The following FGF12 variants were observed in gnomAD, a reference collection of about 807,000 sequenced individuals.
FGF12 encodes fibroblast growth factor 12B.
A neutral mutation model predicts 23.6 loss-of-function variants in FGF12; 14 were observed. The observed-to-expected ratio is 0.59, with a 90% confidence interval of 0.39 to 0.93. FGF12 has a LOEUF of 0.93. Ranked by LOEUF, FGF12 falls within the 40% of genes least tolerant of loss-of-function variation. The probability of loss-of-function intolerance (pLI) is 0.00; values close to 1 mark genes in which losing one functional copy is unlikely to be tolerated. For synonymous variants in FGF12, 62 were observed against 77.3 expected (o/e 0.80, Z 1.04); for missense variants, 175 against 217.8 (o/e 0.80, Z 1.24).
At chr3:192,661,752 A>C (rs1716680194) in intron 2 of FGF12, among the ~76,000 whole-genome samples, 1 of 152,172 alleles carries the variant, frequency 6.6e-6, no homozygotes, top group African/African-American at 2.4e-5. Context: ...TTCCAGACAA[A>C]ATGTAATCAA....
intron 4 of FGF12, among the ~76,000 whole-genome samples, chr3:192,223,852 C>T (rs910577479): frequency 1.3e-5 from 2 of 151,974 alleles, no homozygotes; most frequent in African/African-American, 2.4e-5. Flanking sequence ...TTCACTATGA[C>T]TAAATTGACA....
chr3:192,202,964 ACAGC>A (rs1717447328), intron 4 of FGF12, among the ~76,000 whole-genome samples: 2 of 152,232 alleles, frequency 1.3e-5, no homozygotes, highest in Admixed American at 6.5e-5. Flanking sequence ...AGTGGGAAAT[ACAGC>A]CTGCTAAACA....
In FGF12 at chr3:192,727,077, C is replaced by T. The variant is rs1350463971; in HGVS notation, c.13+104G>A. On this transcript the variant is annotated intron_variant, in intron 2 of 5. Coordinates refer to ENST00000445105, the MANE Select transcript of FGF12 (RefSeq NM_004113.6). ...ACATAGCATCTCCTCCTCTATCGAC[C>T]TAGTATGATGCTCGCTCCCCAAGCA... 5 of 1,399,298 alleles carry T rather than the reference C, an allele frequency of 3.6e-6. No homozygotes were observed. In the African/African-American group the frequency reaches 7.1e-5, roughly 20 times the overall value. 86.7% of individuals were successfully genotyped at this position (1,399,298 alleles called of 1,614,324 possible).
At chr3:192,664,756 C>T (rs1716800487) in intron 2 of FGF12, among the ~76,000 whole-genome samples, 1 of 152,112 alleles carries the variant, frequency 6.6e-6, no homozygotes. Flanking sequence ...CAGAGTGAGA[C>T]TCCGTCTCAC....
chr3:192,623,774 C>G (rs1715059269), intron 2 of FGF12, among the ~76,000 whole-genome samples: 1 of 152,104 alleles, frequency 6.6e-6, no homozygotes, highest in African/African-American at 2.4e-5. Context: ...ATAACTTCAC[C>G]AACTTCACCT....
At chr3:192,516,244 G>A (rs892412679) in intron 2 of FGF12, among the ~76,000 whole-genome samples, 5 of 152,184 alleles carry the variant, frequency 3.3e-5, no homozygotes, top group African/African-American at 4.8e-5. Flanking sequence ...TCCGATGAAT[G>A]CCAGTGTTCA....
chr3:192,496,081 A>G (rs553663532), intron 2 of FGF12, among the ~76,000 whole-genome samples: 3 of 152,350 alleles, frequency 2.0e-5, no homozygotes, highest in African/African-American at 4.8e-5. Context: ...CATGGACTCC[A>G]AAAACCATTA....
intron 4 of FGF12, among the ~76,000 whole-genome samples, chr3:192,248,904 T>C (rs1298234780): frequency 1.3e-5 from 2 of 152,214 alleles, no homozygotes; most frequent in Non-Finnish European, 2.9e-5. Flanking sequence ...ATATTTACTA[T>C]CATCACTCTC....
intron 5 of FGF12, among the ~76,000 whole-genome samples, chr3:192,166,033 A>T (rs1715143910): frequency 6.6e-6 from 1 of 152,224 alleles, no homozygotes; most frequent in Admixed American, 6.5e-5. Context: ...CAGAAGTAGT[A>T]AGACTAGTAA....
chr3:192,552,952 C>T (rs1168238776), intron 2 of FGF12, among the ~76,000 whole-genome samples: 1 of 151,896 alleles, frequency 6.6e-6, no homozygotes, highest in Non-Finnish European at 1.5e-5. Context: ...GCCAGAAGAT[C>T]TTGAAACAAC....
intron 2 of FGF12, among the ~76,000 whole-genome samples, chr3:192,594,123 C>T (rs1032222641): frequency 6.6e-6 from 1 of 151,830 alleles, no homozygotes; most frequent in Non-Finnish European, 1.5e-5. Flanking sequence ...AGGAGACTGC[C>T]TATTTTCAAA....
intron 2 of FGF12, among the ~76,000 whole-genome samples, chr3:192,459,845 GTGTGTGTGTGTGTT>G (rs1488914590): frequency 6.6e-6 from 1 of 151,856 alleles, no homozygotes; most frequent in Non-Finnish European, 1.5e-5. Flanking sequence ...TTTAGTGTGT[GTGTGTGTGTGTGTT>G]TGTGTGTGTG....
intron 2 of FGF12, among the ~76,000 whole-genome samples, chr3:192,512,848 AT>A (rs1724527182): frequency 1.6e-5 from 2 of 126,798 alleles, no homozygotes; most frequent in South Asian, 2.5e-4. Flanking sequence ...ATATATATAT[AT>A]ATATATATAT....
intron 4 of FGF12, among the ~76,000 whole-genome samples, chr3:192,188,561 A>G (rs1361444153): frequency 2.6e-5 from 4 of 152,210 alleles, no homozygotes; most frequent in African/African-American, 4.8e-5. Flanking sequence ...AGCTTCGATA[A>G]TAAGTTTTTA....
chr3:192,204,987 T>C (rs773464911), intron 4 of FGF12, among the ~76,000 whole-genome samples: 1 of 152,188 alleles, frequency 6.6e-6, no homozygotes, highest in Non-Finnish European at 1.5e-5. Flanking sequence ...TATCTCTGCA[T>C]TTCTCTTCCT....
intron 4 of FGF12, among the ~76,000 whole-genome samples, chr3:192,252,462 C>CAAAAAAAAACAAAAA (rs1712084811): frequency 3.6e-5 from 1 of 27,494 alleles, no homozygotes; most frequent in African/African-American, 1.3e-4. Flanking sequence ...GAATCTGTCT[C>CAAAAAAAAACAAAAA]AAAAAAAAAA....
intron 2 of FGF12, among the ~76,000 whole-genome samples, chr3:192,471,366 T>C (rs1196781586): frequency 6.6e-6 from 1 of 152,224 alleles, no homozygotes; most frequent in Non-Finnish European, 1.5e-5. Flanking sequence ...GCAACAAAAT[T>C]ATTTGTAATC....
intron 4 of FGF12, among the ~76,000 whole-genome samples, chr3:192,268,489 T>C (rs1165560301): frequency 6.6e-6 from 1 of 152,210 alleles, no homozygotes; most frequent in East Asian, 1.9e-4. Flanking sequence ...AGGTGGGGCC[T>C]GGTGGGAGAT....
Position 192,557,294 on chromosome 3 carries a change from C to T in FGF12, c.13+169887G>A, listed in dbSNP as rs2108591170. On this transcript the variant is annotated intron_variant, in intron 2 of 5. Coordinates refer to ENST00000445105, the MANE Select transcript of FGF12 (RefSeq NM_004113.6). Reference sequence around the variant, plus strand: ...TTTTTTGAAAAGATAATCAACAAACCTTTAGCCAGAGTATGAAAAAAACAG... The same window carrying T: ...TTTTTTGAAAAGATAATCAACAAACTTTTAGCCAGAGTATGAAAAAAACAG... 2.7e-5 allele frequency among the ~76,000 whole-genome samples: 4 copies of T among 150,002 alleles called. No homozygotes were observed. In the Middle Eastern group the frequency reaches 0.014, roughly 517 times the overall value.
Sources: gnomAD v4.1 joint callset for allele counts (sites outside exome capture counted in the v4.1 genomes callset) on GRCh38, gnomAD v4.1.1 for gene constraint, MANE v1.5 for transcripts, NCBI Gene and HGNC (gene_info 2026-07-23, HGNC 2026-07-21) for gene names.